Variants in OMA1 observed in about 807,000 individuals in gnomAD.
OMA1 encodes the protein metalloendopeptidase OMA1, mitochondrial.
A neutral mutation model predicts 30.9 loss-of-function variants in OMA1; 38 were observed. That is an observed-to-expected ratio of 1.23 (90% CI 0.95 to 1.61). The LOEUF is 1.61. OMA1 is among the 40% of genes most tolerant of loss of function. The pLI is 0.00. For missense variants in OMA1, 461 were observed against 349.2 expected (o/e 1.32, Z -2.55); for synonymous variants, 173 against 121.9 (o/e 1.42, Z -2.76).
chr1:58,530,121 TCCAC>T (rs990340992), intron 6 of OMA1, among the ~76,000 whole-genome samples: 1 of 152,172 alleles, frequency 6.6e-6, no homozygotes, highest in African/African-American at 2.4e-5. Flanking sequence ...GACTTCGTGA[TCCAC>T]CCACCTTGGC....
chr1:58,497,545 T>C (rs753588684), intron 8 of OMA1, among the ~76,000 whole-genome samples: 44 of 152,310 alleles, frequency 2.9e-4, no homozygotes, highest in Non-Finnish European at 4.4e-4. Context: ...AATATGCCTC[T>C]TTAGCATAAG....
At chr1:58,511,668 G>T (rs1646079630) in intron 7 of OMA1, among the ~76,000 whole-genome samples, 1 of 151,848 alleles carries the variant, frequency 6.6e-6, no homozygotes. Context: ...CCACAATGAG[G>T]AAAGAGCAGT....
chr1:58,498,693 T>C (rs1419445293), intron 8 of OMA1, among the ~76,000 whole-genome samples: 1 of 152,220 alleles, frequency 6.6e-6, no homozygotes, highest in Non-Finnish European at 1.5e-5. Flanking sequence ...TTGAATTCTC[T>C]TTTGAACTAG....
rs924657241 is a variant in OMA1, at chr1:58,491,548, C to T, written c.1366-10374G>A. On this transcript the variant is annotated intron_variant, in intron 8 of 8. Coordinates refer to ENST00000371226, the MANE Select transcript of OMA1 (RefSeq NM_145243.5). ...TCACGTGCAGAGACACACATAGGTT[C>T]AAAATAAAAGGATGGAGGAAGATCT... 1.3e-4 allele frequency among the ~76,000 whole-genome samples: 20 copies of T among 151,830 alleles called. 1 individual carries two copies. The highest frequency in any genetic ancestry group is 4.6e-4 in the African/African-American group (19 of 41,344).
chr1:58,509,845 A>G (rs761589564), intron 7 of OMA1, among the ~76,000 whole-genome samples: 16 of 152,108 alleles, frequency 1.1e-4, no homozygotes, highest in Non-Finnish European at 1.8e-4. Context: ...ACAAAGGATC[A>G]TAAGAGACTA....
At chr1:58,491,171 A>G (rs1466948147) in intron 8 of OMA1, among the ~76,000 whole-genome samples, 2 of 152,108 alleles carry the variant, frequency 1.3e-5, no homozygotes, top group South Asian at 2.1e-4. Context: ...ACTAAGCTTC[A>G]TAAGTGAAGG....
In OMA1 at chr1:58,480,958, T is replaced by A; in HGVS notation, c.*7A>T. ...CTTCATATATCTTGTGTCTCATAAA[T>A]TTTAATTCAACTGCCCGTTCTTTTC... On this transcript the variant is annotated 3_prime_UTR_variant, in exon 9 of 9. Coordinates refer to ENST00000371226, the MANE Select transcript of OMA1 (RefSeq NM_145243.5). 1 of 858,812 alleles carries A rather than the reference T, an allele frequency of 1.2e-6. No individual in the cohort carries two copies. The highest frequency in any genetic ancestry group is 2.4e-5 in the East Asian group (1 of 41,348). 53.2% of individuals were successfully genotyped at this position (858,812 alleles called of 1,614,324 possible). A position where few individuals can be genotyped will look rare whatever the true frequency, so the allele number is the denominator to read the frequency against.
chr1:58,523,224 C>T (rs568434074), intron 7 of OMA1, among the ~76,000 whole-genome samples: 1 of 152,260 alleles, frequency 6.6e-6, no homozygotes, highest in Non-Finnish European at 1.5e-5. Flanking sequence ...CACTCCCCAC[C>T]TTTTTTGCCA....
chr1:58,533,972 T>C lies in OMA1; in HGVS notation c.992A>G (p.His331Arg), dbSNP rs1646477067. 1 of 872,178 alleles carries C rather than the reference T, an allele frequency of 1.1e-6. No homozygotes were observed. The highest frequency in any genetic ancestry group is 1.7e-5 in the Admixed American group (1 of 59,040). 54.0% of individuals were successfully genotyped at this position (872,178 alleles called of 1,614,324 possible). Residue 331 changes from histidine to arginine, a missense_variant, in exon 5 of 9, where the codon CAT becomes CGT. By Grantham distance (29) the His-to-Arg change is conservative. Transcript: ENST00000371226. ...ACTTACAGCATGCCCAAGTACTGCA[T>C]GTGCTATTTCATGGCCCAGAAGGAA... Reference protein sequence around the residue: ...LSFLLGHEIAHAVLGHAAEKA... With the variant: ...LSFLLGHEIARAVLGHAAEKA...
intron 7 of OMA1, among the ~76,000 whole-genome samples, chr1:58,516,354 A>G (rs1466176921): frequency 6.6e-6 from 1 of 152,230 alleles, no homozygotes; most frequent in Admixed American, 6.5e-5. Flanking sequence ...TAATGACTGC[A>G]AAGTGTCAAA....
At chr1:58,525,331 T>C (rs1381683463) in intron 7 of OMA1, among the ~76,000 whole-genome samples, 1 of 152,106 alleles carries the variant, frequency 6.6e-6, no homozygotes, top group African/African-American at 2.4e-5. Context: ...TATAAGTGGA[T>C]CTACACAGCT....
At chr1:58,502,012 CTATT>C (rs1366400312) in intron 8 of OMA1, among the ~76,000 whole-genome samples, 1 of 151,734 alleles carries the variant, frequency 6.6e-6, no homozygotes, top group Non-Finnish European at 1.5e-5. Flanking sequence ...GGATTTTTGT[CTATT>C]TATTTCACAT....
intron 3 of OMA1, among the ~76,000 whole-genome samples, chr1:58,535,143 G>A (rs1309041952): frequency 1.3e-5 from 2 of 152,120 alleles, no homozygotes; most frequent in Non-Finnish European, 2.9e-5. Flanking sequence ...CAGAACTAAT[G>A]AGCATTATCA....
At chr1:58,527,234 T>C in intron 7 of OMA1, 27 bp downstream of exon 7, 2 of 869,432 alleles carry the variant, frequency 2.3e-6, no homozygotes, top group South Asian at 1.3e-5. Context: ...AAGGGCATTA[T>C]GTATTCTCAA....
chr1:58,517,275 A>G (rs1646172158), intron 7 of OMA1, among the ~76,000 whole-genome samples: 1 of 152,210 alleles, frequency 6.6e-6, no homozygotes, highest in African/African-American at 2.4e-5. Context: ...TTGCTAATAA[A>G]GAAGTTTCTG....
chr1:58,518,189 A>G (rs1359174801), intron 7 of OMA1, among the ~76,000 whole-genome samples: 1 of 92,000 alleles, frequency 1.1e-5, no homozygotes, highest in East Asian at 3.9e-4. Flanking sequence ...TCTGTCAGAA[A>G]GAAAAGAGGA....
intron 8 of OMA1, among the ~76,000 whole-genome samples, chr1:58,505,517 A>G (rs777176590): frequency 3.1e-4 from 47 of 152,096 alleles, no homozygotes; most frequent in Non-Finnish European, 6.3e-4. Flanking sequence ...AGCTTGACCC[A>G]CTTATGAATT....
intron 8 of OMA1, among the ~76,000 whole-genome samples, chr1:58,497,501 A>G (rs935136481): frequency 4.6e-5 from 7 of 152,198 alleles, no homozygotes; most frequent in Non-Finnish European, 8.8e-5. Context: ...TCATTCCAAA[A>G]TAAGACTCCA....
At chr1:58,493,735 G>C (rs1645743074) in intron 8 of OMA1, among the ~76,000 whole-genome samples, 1 of 151,700 alleles carries the variant, frequency 6.6e-6, no homozygotes, top group Admixed American at 6.6e-5. Context: ...TCTTCAAGGA[G>C]AACTACAAAC....
Sources: allele counts gnomAD v4.1 joint callset (sites outside exome capture counted in the v4.1 genomes callset), GRCh38; gene constraint gnomAD v4.1.1; transcripts MANE v1.5; gene names NCBI Gene and HGNC (gene_info 2026-07-23, HGNC 2026-07-21).